The following HAUS6 variants were observed in gnomAD, a reference collection of about 807,000 sequenced individuals.
HAUS6 encodes the protein HAUS augmin-like complex subunit 6.
In HAUS6, 80 loss-of-function variants were observed where a neutral mutation model predicts 106.8. The observed-to-expected ratio is 0.75, with a 90% confidence interval of 0.63 to 0.90. HAUS6 has a LOEUF of 0.90. HAUS6 is among the 40% of genes least tolerant of loss of function. The probability of loss-of-function intolerance (pLI) is 0.00; values close to 1 mark genes in which losing one functional copy is unlikely to be tolerated. For synonymous variants in HAUS6, 356 were observed against 379.1 expected, an observed-to-expected ratio of 0.94 and a Z score of 0.71; for missense variants, 1,155 against 1,118.1, an observed-to-expected ratio of 1.03 and a Z score of -0.47.
intron 11 of HAUS6, among the ~76,000 whole-genome samples, chr9:19,072,725 G>A (rs1282298775): frequency 6.6e-6 from 1 of 151,998 alleles, no homozygotes; most frequent in East Asian, 1.9e-4. Flanking sequence ...CAGAGTCCAA[G>A]AACTAAGCAT....
chr9:19,078,324 T>C, intron 9 of HAUS6, 22 bp from the exon 10 acceptor site: 1 of 1,316,124 alleles, frequency 7.6e-7, no homozygotes, highest in Non-Finnish European at 1.1e-6. Flanking sequence ...TAAAAAAACT[T>C]TATTCAAAAG....
At chr9:19,090,577 A>C (rs1047739271) in intron 4 of HAUS6, among the ~76,000 whole-genome samples, 1 of 152,144 alleles carries the variant, frequency 6.6e-6, no homozygotes, top group African/African-American at 2.4e-5. Flanking sequence ...GTTAGCCAGG[A>C]TGATCTTGAT....
intron 11 of HAUS6, among the ~76,000 whole-genome samples, chr9:19,076,228 G>A (rs925356620): frequency 6.6e-6 from 1 of 151,568 alleles, no homozygotes; most frequent in Non-Finnish European, 1.5e-5. Flanking sequence ...TTAGACGGGT[G>A]TGGTGTCCCA....
intron 14 of HAUS6, among the ~76,000 whole-genome samples, chr9:19,061,280 T>G (rs1261130533): frequency 6.6e-6 from 1 of 152,238 alleles, no homozygotes; most frequent in African/African-American, 2.4e-5. Context: ...AAATATCCCC[T>G]GTCATAAACA....
chr9:19,074,519 C>T (rs189894967), intron 11 of HAUS6, among the ~76,000 whole-genome samples: 9 of 152,198 alleles, frequency 5.9e-5, no homozygotes, highest in African/African-American at 1.7e-4. Context: ...CAATCTTCCA[C>T]CCTAGGCTTC....
intron 1 of HAUS6, among the ~76,000 whole-genome samples, chr9:19,099,148 GTTTT>G (rs1427220398): frequency 8.0e-5 from 12 of 150,004 alleles, no homozygotes; most frequent in African/African-American, 1.5e-4. Context: ...AAATAATGGG[GTTTT>G]TTTTGTTTGT....
intron 12 of HAUS6, among the ~76,000 whole-genome samples, chr9:19,064,876 A>G (rs1014455289): frequency 3.9e-5 from 6 of 152,192 alleles, no homozygotes; most frequent in African/African-American, 9.7e-5. Context: ...GAAACTTAAC[A>G]TTAAAATTAT....
intron 4 of HAUS6, among the ~76,000 whole-genome samples, chr9:19,090,724 T>C (rs752493033): frequency 5.9e-5 from 9 of 152,158 alleles, no homozygotes; most frequent in African/African-American, 2.2e-4. Flanking sequence ...TCACATCATC[T>C]CCATTGCTGC....
At chr9:19,069,445 T>C (rs1281453336) in intron 12 of HAUS6, among the ~76,000 whole-genome samples, 1 of 152,126 alleles carries the variant, frequency 6.6e-6, no homozygotes, top group East Asian at 1.9e-4. Context: ...TCACAGCACT[T>C]TGGGAGGCCA....
Position 19,063,530 on chromosome 9 carries a change from A to C in HAUS6, c.1427T>G (p.Val476Gly). The C allele has an allele frequency of 6.3e-6, 10 of 1,585,810 alleles. No homozygotes were observed. The highest frequency in any genetic ancestry group is 1.1e-5 in the South Asian group (1 of 90,502). The change falls in exon 13 of 17, where the codon GTT (valine) becomes GGT (glycine). Residue 476 changes from valine to glycine, a missense_variant. By Grantham distance (109) the Val-to-Gly change is moderately radical. This residue lies in a region of HAUS6 where 761 missense variants were observed against 690.0 expected (regional missense o/e 1.10). Coordinates refer to ENST00000380502, the MANE Select transcript of HAUS6 (RefSeq NM_017645.5). ...AAAATATACCTTTTCAAGTACTGTA[A>C]CACTGTTTCTATCTGATGATGAAAC... The part of the protein sequence containing the change: ...QSVSSSDRNS[V>G]TVLEKDTKMG...
intron 1 of HAUS6, among the ~76,000 whole-genome samples, chr9:19,098,204 G>A (rs1817903750): frequency 6.6e-6 from 1 of 152,184 alleles, no homozygotes; most frequent in Admixed American, 6.5e-5. Context: ...ATTTTGGGAG[G>A]CCAAGGCAGG....
chr9:19,087,865 A>AC (rs1166052076), intron 5 of HAUS6, among the ~76,000 whole-genome samples: 52 of 149,896 alleles, frequency 3.5e-4, no homozygotes, highest in Non-Finnish European at 5.9e-4. Context: ...AAAAAAAAAA[A>AC]AAAAAACCAC....
intron 7 of HAUS6, among the ~76,000 whole-genome samples, chr9:19,086,479 G>C (rs181809907): frequency 7.2e-5 from 11 of 152,036 alleles, no homozygotes; most frequent in African/African-American, 2.4e-4. Flanking sequence ...AATTAGCCAG[G>C]CGTGGTGGCG....
chr9:19,096,715 C>G lies in HAUS6; in HGVS notation c.183G>C (p.Leu61Phe). ...RDAFHIISYF[L>F]FQVLDQSLTK... ...TGAGAGACTGGTCCAGAACTTGAAA[C>G]AAAAAATAAGAAATTATATGAAAGG... The change falls in exon 2 of 17, where the codon TTG becomes TTC. Residue 61 changes from leucine to phenylalanine, a missense_variant. Physicochemically the swap from Leu to Phe is conservative, Grantham distance 22. Around this residue, in one of 3 missense-constraint regions of HAUS6, gnomAD observed 761 missense variants for 690.0 expected, o/e 1.10. Coordinates refer to ENST00000380502, the MANE Select transcript of HAUS6 (RefSeq NM_017645.5). The G allele has an allele frequency of 6.4e-7, 1 of 1,560,956 alleles. No individual in the cohort carries two copies. The highest frequency in any genetic ancestry group is 8.7e-7 in the Non-Finnish European group (1 of 1,149,618).
At chr9:19,095,846 T>C (rs1032799787) in intron 2 of HAUS6, among the ~76,000 whole-genome samples, 10 of 152,100 alleles carry the variant, frequency 6.6e-5, no homozygotes, top group African/African-American at 2.4e-4. Flanking sequence ...TAAACTAATA[T>C]TCAATAGCAT....
At chr9:19,088,129 C>A (rs1817661297) in intron 5 of HAUS6, among the ~76,000 whole-genome samples, 1 of 152,148 alleles carries the variant, frequency 6.6e-6, no homozygotes, top group South Asian at 2.1e-4. Context: ...AAAAGTAATA[C>A]ACTGGTAGGG....
intron 9 of HAUS6, among the ~76,000 whole-genome samples, chr9:19,079,422 A>G (rs1837088020): frequency 6.6e-6 from 1 of 151,408 alleles, no homozygotes; most frequent in Non-Finnish European, 1.5e-5. Flanking sequence ...GTAGGGACGC[A>G]GTTTCCCCAT....
Position 19,057,901 on chromosome 9 carries a change from T to C in HAUS6, c.2806+60A>G, listed in dbSNP as rs754091819. On this transcript the variant is annotated intron_variant, in intron 16 of 16. Coordinates refer to ENST00000380502, the MANE Select transcript of HAUS6 (RefSeq NM_017645.5). ...TGCAGCATTCTTTGTGTACTGGTTT[T>C]ATCAAAAGTTGAGAGAAAACTTCAA... is the stretch of plus-strand genomic sequence containing the variant. The C allele has an allele frequency of 1.4e-5, 13 of 948,384 alleles. No individual in the cohort carries two copies. In the African/African-American group the frequency reaches 1.8e-4, roughly 13 times the overall value. The allele number at this position is 948,384 out of a possible 1,614,324, so 58.7% of individuals were successfully genotyped here.
At chr9:19,075,952 C>A (rs1376467208) in intron 11 of HAUS6, among the ~76,000 whole-genome samples, 1 of 150,138 alleles carries the variant, frequency 6.7e-6, no homozygotes, top group Non-Finnish European at 1.5e-5. Context: ...GAGCAAGACT[C>A]CATCTCGGAA....
Sources: gnomAD v4.1 joint callset for allele counts (sites outside exome capture counted in the v4.1 genomes callset) on GRCh38, gnomAD v4.1.1 for gene constraint, gnomAD v4.1.1 regional missense constraint, MANE v1.5 for transcripts, NCBI Gene and HGNC (gene_info 2026-07-23, HGNC 2026-07-21) for gene names.